CELSR1: variants seen among roughly 807,000 people sequenced by gnomAD.
CELSR1 encodes the protein adhesion G protein-coupled receptor C1.
In CELSR1, 110 loss-of-function variants were observed where a neutral mutation model predicts 249.1. The ratio of observed to expected loss-of-function variants is 0.44; its 90% CI spans 0.38 to 0.52. The LOEUF is 0.52. Among genes scored for constraint, CELSR1 ranks in the 20% least tolerant of loss-of-function variants. The pLI is 0.00. For synonymous variants in CELSR1, 2,113 were observed against 1,900.0 expected (o/e 1.11, Z -2.92); for missense variants, 4,109 against 4,296.4 (o/e 0.96, Z 1.22).
At chr22:46,405,888 C>T (rs930112536) in intron 9 of CELSR1, among the ~76,000 whole-genome samples, 1 of 152,124 alleles carries the variant, frequency 6.6e-6, no homozygotes. Context: ...CCTTCGGTAA[C>T]GTGTGGTTGA....
In CELSR1 at chr22:46,412,846, C is replaced by T. The variant is rs922416097; in HGVS notation, c.4612-1087G>A. 1.3e-4 allele frequency among the ~76,000 whole-genome samples: 20 copies of T among 152,214 alleles called. No individual in the cohort carries two copies. Among genetic ancestry groups the T allele is most frequent in the African/African-American group, 4.8e-4 (20 of 41,440 alleles). ...CAGGCAACAGAATGTCTTTCATCTG[C>T]ACAACCTGGATAACAAGACCTACAT... On this transcript the variant is annotated intron_variant, in intron 5 of 34. Coordinates refer to ENST00000674500, the MANE Select transcript of CELSR1 (RefSeq NM_001378328.1). The surrounding 1 kb of genome is among the most constrained non-coding windows in gnomAD (Gnocchi z 4.5).
intron 2 of CELSR1, among the ~76,000 whole-genome samples, chr22:46,449,315 A>T (rs1478469970): frequency 7.1e-6 from 1 of 141,718 alleles, no homozygotes; most frequent in Non-Finnish European, 1.5e-5. Flanking sequence ...TCACACATCC[A>T]TCCATCCATC....
At position 46,373,105 on chromosome 22, in the gene CELSR1, AG is replaced by A; in HGVS notation, c.7585-49del. The A allele has an allele frequency of 3.3e-6, 5 of 1,512,814 alleles. No individual in the cohort carries two copies. In the East Asian group the frequency reaches 1.2e-4, roughly 36 times the overall value. 93.7% of individuals were successfully genotyped at this position (1,512,814 alleles called of 1,614,324 possible). A position where few individuals can be genotyped will look rare whatever the true frequency, so the allele number is the denominator to read the frequency against. Reference sequence around the variant, plus strand: ...GCAAGGGCCCCTGCATCCCAGGCTGAGGTCAGACAGGCATGAGTGAGGGGTG... The same window carrying A: ...GCAAGGGCCCCTGCATCCCAGGCTGAGTCAGACAGGCATGAGTGAGGGGTG... On this transcript the variant is annotated intron_variant, in intron 24 of 34. Coordinates refer to ENST00000674500, the MANE Select transcript of CELSR1 (RefSeq NM_001378328.1).
chr22:46,523,997 C>T (rs1051508226), intron 1 of CELSR1, among the ~76,000 whole-genome samples: 8 of 152,208 alleles, frequency 5.3e-5, no homozygotes, highest in African/African-American at 7.2e-5. Flanking sequence ...TCAGCCGTCC[C>T]GTTTCAGGCA....
chr22:46,518,387 A>G lies in CELSR1; in HGVS notation c.3544+15240T>C, dbSNP rs1215174506. 2.0e-5 allele frequency among the ~76,000 whole-genome samples: 3 copies of G among 152,260 alleles called. No homozygotes were observed. The highest frequency in any genetic ancestry group is 7.2e-5 in the African/African-American group (3 of 41,464). On this transcript the variant is annotated intron_variant, in intron 1 of 34. Transcript: ENST00000674500. The surrounding 1 kb of genome is among the most constrained non-coding windows in gnomAD (Gnocchi z 5.2). ...GAGAACGAAGGGAGTGGGCTCCCAC[A>G]GACCACATTGCACTGCGACAAGGCA...
At chr22:46,405,549 T>C (rs1237907104) in intron 9 of CELSR1, among the ~76,000 whole-genome samples, 1 of 151,766 alleles carries the variant, frequency 6.6e-6, no homozygotes, top group Non-Finnish European at 1.5e-5. Flanking sequence ...GTGATAAAAG[T>C]GATGTTATAT....
intron 1 of CELSR1, among the ~76,000 whole-genome samples, chr22:46,489,520 G>A (rs568865516): frequency 1.3e-5 from 2 of 152,082 alleles, no homozygotes; most frequent in Non-Finnish European, 1.5e-5. Flanking sequence ...GGTGGCCCCA[G>A]ACTGCCCCTA....
At chr22:46,367,671 A>G in intron 28 of CELSR1, 58 bp downstream of exon 28, 3 of 1,555,376 alleles carry the variant, frequency 1.9e-6, no homozygotes, top group Non-Finnish European at 2.6e-6. Flanking sequence ...TTCGCATCAC[A>G]GCGATGGTGT....
chr22:46,476,183 A>G (rs1251221041), intron 1 of CELSR1, among the ~76,000 whole-genome samples: 1 of 152,218 alleles, frequency 6.6e-6, no homozygotes, highest in Non-Finnish European at 1.5e-5. Context: ...CAACTTGTCC[A>G]CAAATGCTCA....
intron 1 of CELSR1, among the ~76,000 whole-genome samples, chr22:46,492,298 A>C (rs896345642): frequency 6.6e-6 from 1 of 152,226 alleles, no homozygotes; most frequent in African/African-American, 2.4e-5. Context: ...CCTTTAAAAT[A>C]TGTCAGCCCT....
chr22:46,379,631 C>T (rs1441813881), intron 22 of CELSR1, among the ~76,000 whole-genome samples: 1 of 152,198 alleles, frequency 6.6e-6, no homozygotes, highest in Non-Finnish European at 1.5e-5. Context: ...TTAACTAGAA[C>T]TTGGAAAGCA....
chr22:46,412,586 C>T lies in CELSR1; in HGVS notation c.4612-827G>A, dbSNP rs992475305. ...CCTTGGGTGAAACCTTTCCCTTCTC[C>T]AAGAGACTGTGGTTTGCCATCCGGG... On this transcript the variant is annotated intron_variant, in intron 5 of 34. Transcript: ENST00000674500. The surrounding 1 kb of genome is among the most constrained non-coding windows in gnomAD (Gnocchi z 4.5). Among the ~76,000 whole-genome samples, 1 of 152,154 alleles carries T rather than the reference C, an allele frequency of 6.6e-6. No individual in the cohort carries two copies. Among genetic ancestry groups the T allele is most frequent in the Non-Finnish European group, 1.5e-5 (1 of 68,024 alleles).
intron 24 of CELSR1, 137 bp from the exon 25 acceptor site, chr22:46,373,194 C>CA (rs2078875256): frequency 1.1e-6 from 1 of 921,006 alleles, no homozygotes; most frequent in Non-Finnish European, 1.5e-6. Context: ...AGCAGGGCTA[C>CA]ATGTCTGGCC....
In CELSR1 at chr22:46,384,706, A is replaced by T. The variant is rs2079014302; in HGVS notation, c.6740-20T>A. On this transcript the variant is annotated intron_variant, in intron 19 of 34. Coordinates refer to ENST00000674500, the MANE Select transcript of CELSR1 (RefSeq NM_001378328.1). The stretch of plus-strand genomic sequence containing the variant: ...CAAGAACTGGGGGGACAGTTCCTTT[A>T]ATCAGACATAACTCCCAGGGCTTTC... 1.9e-6 allele frequency: 3 copies of T among 1,605,412 alleles called. No homozygotes were observed. In the Admixed American group the frequency reaches 5.1e-5, roughly 27 times the overall value.
Position 46,397,655 on chromosome 22 carries a change from C to T in CELSR1, c.5701+19G>A. 1 of 1,457,432 alleles carries T rather than the reference C, an allele frequency of 6.9e-7. No individual in the cohort carries two copies. The highest frequency in any genetic ancestry group is 9.2e-7 in the Non-Finnish European group (1 of 1,092,858). The allele number at this position is 1,457,432 out of a possible 1,614,324, so 90.3% of individuals were successfully genotyped here. On this transcript the variant is annotated intron_variant, in intron 12 of 34. Coordinates refer to ENST00000674500, the MANE Select transcript of CELSR1 (RefSeq NM_001378328.1). Reference sequence around the variant, plus strand: ...AGAGACCTCCCTGTCACTGAAGGGCCCCGGGAGGGCGGTCCCACCTTTGTC... The same window carrying T: ...AGAGACCTCCCTGTCACTGAAGGGCTCCGGGAGGGCGGTCCCACCTTTGTC...
chr22:46,435,564 T>C (rs1339946025), intron 4 of CELSR1, among the ~76,000 whole-genome samples: 1 of 152,150 alleles, frequency 6.6e-6, no homozygotes, highest in East Asian at 1.9e-4. Flanking sequence ...ATTACAGGCA[T>C]GAGCCACTGC....
chr22:46,517,133 C>T lies in CELSR1; in HGVS notation c.3544+16494G>A, dbSNP rs958790905. ...GGATCATTCCCCTGAGGTATACAAA[C>T]CACCTCCCCATCCCCCACTGCCTCA... On this transcript the variant is annotated intron_variant, in intron 1 of 34. Transcript: ENST00000674500. The surrounding 1 kb of genome is among the most constrained non-coding windows in gnomAD (Gnocchi z 5.4). 6.6e-6 allele frequency among the ~76,000 whole-genome samples: 1 copy of T among 152,240 alleles called. No individual in the cohort carries two copies. The highest frequency in any genetic ancestry group is 2.4e-5 in the African/African-American group (1 of 41,474).
chr22:46,457,717 C>A (rs540049869), intron 2 of CELSR1, among the ~76,000 whole-genome samples: 2 of 152,334 alleles, frequency 1.3e-5, no homozygotes, highest in South Asian at 4.1e-4. Flanking sequence ...GTGATGAGCA[C>A]GAGGGCGGAC....
chr22:46,408,884 G>C lies in CELSR1; in HGVS notation c.5226+112C>G. 1 of 857,560 alleles carries C rather than the reference G, an allele frequency of 1.2e-6. No homozygotes were observed. Among genetic ancestry groups the C allele is most frequent in the Non-Finnish European group, 1.7e-6 (1 of 576,002 alleles). 53.1% of individuals were successfully genotyped at this position (857,560 alleles called of 1,614,324 possible). ...TCGGAGAACCCCAGGGGCGGGCGCC[G>C]GAGGAAGGGCGAGTAGCAGGTGCCC... On this transcript the variant is annotated intron_variant, in intron 9 of 34. Coordinates refer to ENST00000674500, the MANE Select transcript of CELSR1 (RefSeq NM_001378328.1). The surrounding 1 kb of genome is among the most constrained non-coding windows in gnomAD (Gnocchi z 4.6).
Sources: gnomAD v4.1 joint callset for allele counts (sites outside exome capture counted in the v4.1 genomes callset) on GRCh38, gnomAD v4.1.1 for gene constraint, Gnocchi (gnomAD v3.1) non-coding constraint, MANE v1.5 for transcripts, NCBI Gene and HGNC (gene_info 2026-07-23, HGNC 2026-07-21) for gene names.